The following FNTB variants were observed in gnomAD, a reference collection of about 807,000 sequenced individuals.
FNTB encodes protein farnesyltransferase subunit beta.
In FNTB, 27 loss-of-function variants were observed where a neutral mutation model predicts 59.4. That is an observed-to-expected ratio of 0.45 (90% CI 0.34 to 0.63). The LOEUF (loss-of-function observed/expected upper bound fraction) is 0.63, where lower values mean the gene tolerates loss of function less well. Among genes scored for constraint, FNTB ranks in the 20% least tolerant of loss-of-function variants. FNTB has a pLI of 0.02. For missense variants in FNTB, 449 were observed against 559.6 expected (o/e 0.80, Z 1.99); for synonymous variants, 230 against 220.7 (o/e 1.04, Z -0.37).
intron 1 of FNTB, among the ~76,000 whole-genome samples, chr14:64,987,954 A>C (rs555337476): frequency 8.5e-4 from 130 of 152,338 alleles, no homozygotes; most frequent in Non-Finnish European, 1.6e-3. Context: ...AATTCTTAAC[A>C]CTAATAAATG....
intron 2 of FNTB, among the ~76,000 whole-genome samples, chr14:65,004,668 CTT>C (rs146781360): frequency 6.8e-6 from 1 of 146,400 alleles, no homozygotes; most frequent in Admixed American, 6.8e-5. Flanking sequence ...CTTTCTTTTT[CTT>C]TTTTTTTTTG....
At chr14:64,998,847 G>A (rs941273258) in intron 1 of FNTB, among the ~76,000 whole-genome samples, 1 of 152,134 alleles carries the variant, frequency 6.6e-6, no homozygotes, top group Non-Finnish European at 1.5e-5. Context: ...CCTGTTTCTT[G>A]AGTAAGAGGA....
chr14:65,005,432 C>A (rs2061564572), intron 2 of FNTB, among the ~76,000 whole-genome samples: 1 of 151,758 alleles, frequency 6.6e-6, no homozygotes. Context: ...AATGATGGAA[C>A]ACTTTCTCTT....
Position 65,015,696 on chromosome 14 carries a change from C to T in FNTB, c.354C>T (p.Ile118=). 6.2e-7 allele frequency: 1 copy of T among 1,614,110 alleles called. No homozygotes were observed. ...GCTTGGAACTGCTAGATGAACCCAT[C>T]CCCCAGATAGTGGCTACAGAGTGAG... ...LHSLELLDEP[I]PQIVATDVCQ... The change falls in exon 4 of 12, where the codon ATC becomes ATT. Residue 118 remains isoleucine (I), a synonymous_variant. Coordinates refer to ENST00000246166, the MANE Select transcript of FNTB (RefSeq NM_002028.4).
chr14:65,005,449 T>TTTTTTC (rs2061565365), intron 2 of FNTB, among the ~76,000 whole-genome samples: 1 of 119,814 alleles, frequency 8.3e-6, no homozygotes, highest in Non-Finnish European at 1.7e-5. Context: ...TCTTCCTTTC[T>TTTTTTC]TTTCTTTCTT....
In FNTB at chr14:65,054,997, A is replaced by T. The variant is rs1461058489; in HGVS notation, c.1182+308A>T. On this transcript the variant is annotated intron_variant, in intron 11 of 11. Coordinates refer to ENST00000246166, the MANE Select transcript of FNTB (RefSeq NM_002028.4). This position sits in a 1 kb window ranked among gnomAD's most constrained non-coding sequence, Gnocchi z 4.4. Reference sequence around the variant, plus strand: ...CTAGAGGAGGCCACAGTTACGTGTCACTCTGAGGCTGTGAGTCCCAGCAGG... The same window carrying T: ...CTAGAGGAGGCCACAGTTACGTGTCTCTCTGAGGCTGTGAGTCCCAGCAGG... 6.6e-6 allele frequency among the ~76,000 whole-genome samples: 1 copy of T among 152,062 alleles called. No individual in the cohort carries two copies. Among genetic ancestry groups the T allele is most frequent in the Non-Finnish European group, 1.5e-5 (1 of 67,986 alleles).
chr14:65,029,730 A>C lies in FNTB; in HGVS notation c.605+1949A>C, dbSNP rs142630423. On this transcript the variant is annotated intron_variant, in intron 6 of 11. Transcript: ENST00000246166. The surrounding 1 kb of genome is among the most constrained non-coding windows in gnomAD (Gnocchi z 4.7). The stretch of plus-strand genomic sequence containing the variant: ...TAGATGGCCTGGTGGGCAGGGGAGC[A>C]GTGGAGCTGGAGGGACAGGCTGGGA... 2.4e-4 allele frequency among the ~76,000 whole-genome samples: 36 copies of C among 149,532 alleles called. No individual in the cohort carries two copies. In the East Asian group the frequency reaches 6.9e-3, roughly 29 times the overall value.
intron 4 of FNTB, chr14:65,022,241 A>G (rs1038258784): frequency 3.3e-5 from 11 of 338,300 alleles, no homozygotes; most frequent in East Asian, 7.7e-5. Flanking sequence ...CGTTCTGCCC[A>G]TGGATGACTG....
In FNTB at chr14:65,004,266, G is replaced by A. The variant is rs1174824342; in HGVS notation, c.162G>A (p.Lys54=). 1 of 1,613,484 alleles carries A rather than the reference G, an allele frequency of 6.2e-7. No individual in the cohort carries two copies. The highest frequency in any genetic ancestry group is 1.3e-5 in the African/African-American group (1 of 75,032). ...TSIEQAKVEE[K]IQEVFSSYKF... ...CTTACCAGGCAAAAGTAGAAGAAAA[G>A]ATCCAAGAGGTCTTCAGTTCTTACA... is the stretch of plus-strand genomic sequence containing the variant. The change falls in exon 2 of 12, where the codon AAG becomes AAA. Residue 54 remains lysine, a synonymous_variant. Coordinates refer to ENST00000246166, the MANE Select transcript of FNTB (RefSeq NM_002028.4).
intron 1 of FNTB, among the ~76,000 whole-genome samples, chr14:64,988,259 C>T (rs1470432450): frequency 6.6e-6 from 1 of 152,132 alleles, no homozygotes; most frequent in Non-Finnish European, 1.5e-5. Context: ...TCGAATCTAG[C>T]TAATTCTCCA....
chr14:64,989,752 C>T (rs1424168206), intron 1 of FNTB, among the ~76,000 whole-genome samples: 5 of 152,154 alleles, frequency 3.3e-5, no homozygotes, highest in African/African-American at 9.7e-5. Flanking sequence ...TCTAGACACT[C>T]GGCATAAGTT....
At position 65,000,815 on chromosome 14, in the gene FNTB, C is replaced by CAAAAA. The variant is rs59420832; in HGVS notation, c.145-3412_145-3408dup. ...AGCCTGGCAGAGCCAGACTCCGTCT[C>CAAAAA]AAAAAAAAAAAAAAAAAAAAAAAAA... is the stretch of plus-strand genomic sequence containing the variant. On this transcript the variant is annotated intron_variant, in intron 1 of 11. Transcript: ENST00000246166. 6.3e-4 allele frequency among the ~76,000 whole-genome samples: 23 copies of CAAAAA among 36,480 alleles called. 1 individual carries two copies. The South Asian group carries it at 9.3e-3, about 15-fold the overall frequency. 23.9% of individuals were successfully genotyped at this position (36,480 alleles called of 152,430 possible). A position where few individuals can be genotyped will look rare whatever the true frequency, so the allele number is the denominator to read the frequency against.
At chr14:65,043,738 C>T (rs1419518969) in intron 8 of FNTB, among the ~76,000 whole-genome samples, 11 of 139,900 alleles carry the variant, frequency 7.9e-5, no homozygotes, top group East Asian at 4.4e-4. Context: ...AGGAGAATGG[C>T]GTGAACCCGG....
At chr14:65,038,904 T>C (rs2062278784) in intron 7 of FNTB, among the ~76,000 whole-genome samples, 1 of 152,216 alleles carries the variant, frequency 6.6e-6, no homozygotes, top group Non-Finnish European at 1.5e-5. Flanking sequence ...TTTTATCTAC[T>C]CTCTTGTTCT....
intron 11 of FNTB, among the ~76,000 whole-genome samples, chr14:65,058,726 CTTT>C (rs1383034326): frequency 2.6e-5 from 4 of 152,038 alleles, no homozygotes; most frequent in Admixed American, 1.3e-4. Context: ...GATTTTTCTT[CTTT>C]AATATGATAT....
chr14:65,038,410 A>AAAAT (rs763143449), intron 7 of FNTB, among the ~76,000 whole-genome samples: 1 of 150,832 alleles, frequency 6.6e-6, no homozygotes, highest in Admixed American at 6.6e-5. Flanking sequence ...ACTCCATCTC[A>AAAAT]AAATAAATAA....
intron 11 of FNTB, 57 bp from the exon 12 acceptor site, chr14:65,061,124 G>A (rs2062857265): frequency 1.2e-6 from 2 of 1,600,954 alleles, no homozygotes; most frequent in Non-Finnish European, 1.7e-6. Context: ...CAAAGGATGT[G>A]TTATGTTTTC....
Position 65,044,781 on chromosome 14 carries a change from C to A in FNTB, c.955+338C>A, listed in dbSNP as rs1043577119. On this transcript the variant is annotated intron_variant, in intron 9 of 11. Coordinates refer to ENST00000246166, the MANE Select transcript of FNTB (RefSeq NM_002028.4). This position sits in a 1 kb window ranked among gnomAD's most constrained non-coding sequence, Gnocchi z 5.5. ...CTGGGCTCTGTGGTGATTGCCACCT[C>A]CTCTGGGTGCAGGGCAGAGCTGAAA... 2 of 273,002 alleles carry A rather than the reference C, an allele frequency of 7.3e-6. No homozygotes were observed. Among genetic ancestry groups the A allele is most frequent in the Non-Finnish European group, 1.4e-5 (2 of 144,778 alleles). The allele number at this position is 273,002 out of a possible 1,614,324, so 16.9% of individuals were successfully genotyped here. A position where few individuals can be genotyped will look rare whatever the true frequency, so the allele number is the denominator to read the frequency against.
Position 65,044,919 on chromosome 14 carries a change from C to T in FNTB, c.955+476C>T, listed in dbSNP as rs1257966957. On this transcript the variant is annotated intron_variant, in intron 9 of 11. Coordinates refer to ENST00000246166, the MANE Select transcript of FNTB (RefSeq NM_002028.4). The surrounding 1 kb of genome is among the most constrained non-coding windows in gnomAD (Gnocchi z 5.5). Reference sequence around the variant, plus strand: ...GGTGGGTTGTAGGGGTGGGTTGCCCCTACACCATGGAGAAGAGACTCGCCG... The same window carrying T: ...GGTGGGTTGTAGGGGTGGGTTGCCCTTACACCATGGAGAAGAGACTCGCCG... The T allele has an allele frequency of 6.5e-6, 1 of 154,304 alleles. No homozygotes were observed. The highest frequency in any genetic ancestry group is 1.4e-5 in the Non-Finnish European group (1 of 69,626). 9.6% of individuals were successfully genotyped at this position (154,304 alleles called of 1,614,324 possible).
Sources: allele counts gnomAD v4.1 joint callset (sites outside exome capture counted in the v4.1 genomes callset), GRCh38; gene constraint gnomAD v4.1.1; non-coding constraint Gnocchi (gnomAD v3.1); transcripts MANE v1.5; gene names NCBI Gene and HGNC (gene_info 2026-07-23, HGNC 2026-07-21).